Variants in TMEM132D observed in about 807,000 individuals in gnomAD.
The protein encoded by TMEM132D is mature OL transmembrane protein.
Under a neutral mutation model 62.3 loss-of-function variants are expected in TMEM132D, and 21 were observed. The ratio of observed to expected loss-of-function variants is 0.34; its 90% CI spans 0.24 to 0.49. TMEM132D has a LOEUF of 0.49. Among genes scored for constraint, TMEM132D ranks in the 20% least tolerant of loss-of-function variants. TMEM132D has a pLI of 0.99. For synonymous variants in TMEM132D, 621 were observed against 575.6 expected (o/e 1.08, Z -1.13); for missense variants, 1,346 against 1,402.8 (o/e 0.96, Z 0.65).
At chr12:129,524,787 G>A (rs1875963008) in intron 3 of TMEM132D, among the ~76,000 whole-genome samples, 1 of 151,700 alleles carries the variant, frequency 6.6e-6, no homozygotes, top group South Asian at 2.1e-4. Context: ...TCCGGGAGGC[G>A]GAGGTTGCAG....
At chr12:129,580,652 C>T (rs7971302) in intron 2 of TMEM132D, among the ~76,000 whole-genome samples, 46,979 of 151,650 alleles carry the variant, frequency 0.31, 8,167 homozygotes, top group Non-Finnish European at 0.4. Flanking sequence ...TGCAGTAAGC[C>T]GAGATCGCGC....
At chr12:129,316,503 G>C (rs1437070713) in intron 4 of TMEM132D, among the ~76,000 whole-genome samples, 1 of 152,164 alleles carries the variant, frequency 6.6e-6, no homozygotes, top group East Asian at 1.9e-4. Flanking sequence ...ACTGTGGTCT[G>C]AGAGAGTCCT....
chr12:129,801,305 G>A (rs566859549), intron 1 of TMEM132D, among the ~76,000 whole-genome samples: 1 of 151,600 alleles, frequency 6.6e-6, no homozygotes, highest in Non-Finnish European at 1.5e-5. Flanking sequence ...TGACAGCTTT[G>A]AAGAGAGCAG....
At chr12:129,132,569 A>C (rs1876411707) in intron 5 of TMEM132D, among the ~76,000 whole-genome samples, 2 of 152,102 alleles carry the variant, frequency 1.3e-5, no homozygotes, top group South Asian at 4.1e-4. Context: ...TTAAAGCTAT[A>C]AGTTTGTACC....
At chr12:129,588,391 T>C (rs1170378915) in intron 2 of TMEM132D, among the ~76,000 whole-genome samples, 1 of 152,132 alleles carries the variant, frequency 6.6e-6, no homozygotes, top group African/African-American at 2.4e-5. Flanking sequence ...CACTCGTCAA[T>C]ACATATTCAC....
chr12:129,363,652 A>G (rs1159126143), intron 3 of TMEM132D, among the ~76,000 whole-genome samples: 1 of 152,204 alleles, frequency 6.6e-6, no homozygotes, highest in Non-Finnish European at 1.5e-5. Flanking sequence ...TAAATTCCCA[A>G]GTGAAAAAGC....
chr12:129,337,441 G>GCACACACACACACACACACACACA (rs34583805), intron 4 of TMEM132D, among the ~76,000 whole-genome samples, 193 bp downstream of exon 4: 5 of 148,228 alleles, frequency 3.4e-5, no homozygotes, highest in Middle Eastern at 3.4e-3. Context: ...ATACACACAC[G>GCACACACACACACACACACACACA]CACACACACA....
At chr12:129,860,716 C>A (rs780561004) in intron 1 of TMEM132D, among the ~76,000 whole-genome samples, 1 of 152,168 alleles carries the variant, frequency 6.6e-6, no homozygotes, top group Non-Finnish European at 1.5e-5. Flanking sequence ...GTTTAATTGA[C>A]TCACAGTTCT....
At chr12:129,078,414 A>G in intron 8 of TMEM132D, 120 bp downstream of exon 8, 1 of 1,017,538 alleles carries the variant, frequency 9.8e-7, no homozygotes, top group Non-Finnish European at 1.4e-6. Flanking sequence ...AGATGGAGAA[A>G]CAAACGCCCG....
intron 4 of TMEM132D, among the ~76,000 whole-genome samples, chr12:129,228,622 C>G (rs1354120435): frequency 6.6e-6 from 1 of 152,110 alleles, no homozygotes; most frequent in African/African-American, 2.4e-5. Context: ...GATGTGTGGT[C>G]TTTTGAGACT....
chr12:129,633,589 C>T (rs931416710), intron 2 of TMEM132D, among the ~76,000 whole-genome samples: 1 of 152,144 alleles, frequency 6.6e-6, no homozygotes, highest in African/African-American at 2.4e-5. Context: ...AGCCTTCCTC[C>T]ACTGGATTCA....
At chr12:129,627,866 A>G (rs1296448762) in intron 2 of TMEM132D, among the ~76,000 whole-genome samples, 1 of 152,016 alleles carries the variant, frequency 6.6e-6, no homozygotes, top group Non-Finnish European at 1.5e-5. Context: ...GCATGCCTGG[A>G]GATCCAGCTA....
intron 5 of TMEM132D, among the ~76,000 whole-genome samples, chr12:129,098,286 C>T (rs1416557074): frequency 6.6e-6 from 1 of 152,148 alleles, no homozygotes; most frequent in East Asian, 1.9e-4. Context: ...GTAAAGGCAA[C>T]TCAATGAAAC....
chr12:129,255,204 A>G (rs965417393), intron 4 of TMEM132D, among the ~76,000 whole-genome samples: 17 of 152,184 alleles, frequency 1.1e-4, no homozygotes, highest in Non-Finnish European at 2.4e-4. Flanking sequence ...TGCTTCCTGT[A>G]AAGCCTGAAG....
intron 4 of TMEM132D, chr12:129,262,467 C>T (rs1426013348): frequency 1.3e-5 from 2 of 152,186 alleles, no homozygotes; most frequent in Non-Finnish European, 2.9e-5. Flanking sequence ...TGGATGAGGA[C>T]AGGCAGCCAG....
chr12:129,162,088 C>T (rs1208736178), intron 5 of TMEM132D, among the ~76,000 whole-genome samples: 5 of 152,108 alleles, frequency 3.3e-5, no homozygotes, highest in Non-Finnish European at 7.4e-5. Flanking sequence ...CCTCAATTCC[C>T]TATGTTTAAG....
intron 1 of TMEM132D, among the ~76,000 whole-genome samples, chr12:129,874,413 A>C (rs1398907806): frequency 6.6e-6 from 1 of 152,122 alleles, no homozygotes; most frequent in Non-Finnish European, 1.5e-5. Flanking sequence ...CTGTCTCAAA[A>C]AATAAAAAAT....
At chr12:129,562,975 A>C (rs1345255533) in intron 2 of TMEM132D, among the ~76,000 whole-genome samples, 7 of 152,208 alleles carry the variant, frequency 4.6e-5, no homozygotes, top group Non-Finnish European at 1.0e-4. Context: ...CTTGTGCTGT[A>C]ATTGATATAA....
intron 5 of TMEM132D, among the ~76,000 whole-genome samples, chr12:129,094,787 G>A (rs1294044387): frequency 1.1e-4 from 16 of 152,084 alleles, no homozygotes; most frequent in Admixed American, 6.5e-5. Flanking sequence ...CAAGCCAAAT[G>A]TCCAACAATG....
Sources: gnomAD v4.1 joint callset for allele counts (sites outside exome capture counted in the v4.1 genomes callset) on GRCh38, gnomAD v4.1.1 for gene constraint, MANE v1.5 for transcripts, NCBI Gene and HGNC (gene_info 2026-07-23, HGNC 2026-07-21) for gene names.